COL4A4: variants seen among roughly 807,000 people sequenced by gnomAD.
COL4A4 encodes the protein collagen type IV alpha 4 chain, also known as collagen alpha-4(IV) chain.
A neutral mutation model predicts 192.9 loss-of-function variants in COL4A4; 105 were observed. The observed-to-expected ratio is 0.54, with a 90% CI of 0.46 to 0.64. The LOEUF is 0.64. COL4A4 is among the 30% of genes least tolerant of loss of function. The pLI is 0.00. For missense variants in COL4A4, 1,967 were observed against 2,169.3 expected (o/e 0.91, Z 1.85); for synonymous variants, 762 against 769.9 (o/e 0.99, Z 0.17).
chr2:226,987,569 G>A, the COL4A4 span, among the ~76,000 whole-genome samples: 4 of 152,208 alleles, frequency 2.6e-5, no homozygotes, highest in African/African-American at 7.2e-5. Context: ...ACCACCTGAC[G>A]CCTGTGTCTC....
In COL4A4 at chr2:227,052,415, A is replaced by G; in HGVS notation, c.2861-3T>C. On this transcript the variant is annotated splice_region_variant and splice_polypyrimidine_tract_variant and intron_variant, in intron 31 of 47. Coordinates refer to ENST00000396625, the MANE Select transcript of COL4A4 (RefSeq NM_000092.5). ...ATCTCCGGGAGGTCCTATGGCTCCTATGGATATTAATTATGCAAGAACAAA... is the reference window on the plus strand; with the variant it reads ...ATCTCCGGGAGGTCCTATGGCTCCTGTGGATATTAATTATGCAAGAACAAA... 6.6e-7 allele frequency: 1 copy of G among 1,506,514 alleles called. No homozygotes were observed. The highest frequency in any genetic ancestry group is 9.2e-7 in the Non-Finnish European group (1 of 1,082,124). 93.3% of individuals were successfully genotyped at this position (1,506,514 alleles called of 1,614,324 possible).
intron 4 of COL4A4, among the ~76,000 whole-genome samples, chr2:227,136,688 T>A (rs540896107): frequency 6.6e-6 from 1 of 152,340 alleles, no homozygotes; most frequent in African/African-American, 2.4e-5. Flanking sequence ...GAACCAGCCT[T>A]GCCTGTCAAC....
intron 37 of COL4A4, among the ~76,000 whole-genome samples, chr2:227,041,043 C>T (rs1360445852): frequency 6.6e-6 from 1 of 151,958 alleles, no homozygotes; most frequent in African/African-American, 2.4e-5. Context: ...AGAAATTCAA[C>T]CCAGAAAAAA....
intron 3 of COL4A4, 46 bp from the exon 4 acceptor site, chr2:227,140,284 A>G (rs1158879665): frequency 6.7e-7 from 1 of 1,489,318 alleles, no homozygotes; most frequent in East Asian, 2.3e-5. Flanking sequence ...CTCATCGTTT[A>G]ACTACGTGCA....
At chr2:227,065,192 C>T (rs1182743587) in intron 25 of COL4A4, among the ~76,000 whole-genome samples, 14 of 152,222 alleles carry the variant, frequency 9.2e-5, no homozygotes, top group African/African-American at 3.1e-4. Context: ...GCTTAAAAAA[C>T]GGCGCACCAG....
the COL4A4 span, among the ~76,000 whole-genome samples, chr2:226,992,559 T>G: frequency 1.3e-5 from 2 of 152,202 alleles, no homozygotes; most frequent in Non-Finnish European, 2.9e-5. Context: ...AGCCGAACCA[T>G]GCTAGTAGCC....
At chr2:227,150,983 A>C (rs567012874) in intron 1 of COL4A4, among the ~76,000 whole-genome samples, 1 of 152,238 alleles carries the variant, frequency 6.6e-6, no homozygotes, top group East Asian at 1.9e-4. Context: ...GAGTATTATA[A>C]ATGATGACCT....
chr2:227,099,761 A>G, intron 17 of COL4A4, 72 bp from the exon 18 acceptor site: 2 of 1,299,438 alleles, frequency 1.5e-6, no homozygotes, highest in Non-Finnish European at 2.2e-6. Context: ...TTAAACCAGT[A>G]TTAGAACGAT....
chr2:227,095,633 A>G (rs529275463), intron 19 of COL4A4, among the ~76,000 whole-genome samples: 1 of 152,302 alleles, frequency 6.6e-6, no homozygotes, highest in Admixed American at 6.5e-5. Flanking sequence ...GGTGGCTCAC[A>G]CCCGTAATCC....
chr2:227,135,776 GGGA>G (rs1255692858), intron 4 of COL4A4, among the ~76,000 whole-genome samples: 1 of 152,086 alleles, frequency 6.6e-6, no homozygotes, highest in Non-Finnish European at 1.5e-5. Context: ...CCAGGTAGCT[GGGA>G]TTACAGGCGC....
chr2:227,102,028 C>T lies in COL4A4; in HGVS notation c.931-119G>A, dbSNP rs1159592447. The T allele has an allele frequency of 7.3e-6, 5 of 682,350 alleles. No homozygotes were observed. In the African/African-American group the frequency reaches 9.2e-5, roughly 12 times the overall value. 42.3% of individuals were successfully genotyped at this position (682,350 alleles called of 1,614,324 possible). On this transcript the variant is annotated intron_variant, in intron 15 of 47. Transcript: ENST00000396625. ...TGGATATTTGGTCCTGTTTGCAAAGCTAGCTGAATAAAAGGAAATAAATAT... is the reference window on the plus strand; with the variant it reads ...TGGATATTTGGTCCTGTTTGCAAAGTTAGCTGAATAAAAGGAAATAAATAT...
Position 227,047,486 on chromosome 2 carries a change from G to C in COL4A4, c.3278C>G (p.Pro1093Arg). The C allele has an allele frequency of 9.9e-6, 16 of 1,613,536 alleles. No individual in the cohort carries two copies. The highest frequency in any genetic ancestry group is 1.4e-5 in the Non-Finnish European group (16 of 1,179,608). ...PPGPKGEPGS[P>R]GCPGHFGASG... ...ATATGCAGCTATACCTGGACATCCA[G>C]GGCTACCTGGCTCACCCTTTGGACC... The change falls in exon 35 of 48, where the codon CCT becomes CGT. Residue 1093 changes from proline to arginine, a missense_variant. Physicochemically the swap from Pro to Arg is moderately radical, Grantham distance 103. Transcript: ENST00000396625.
intron 4 of COL4A4, among the ~76,000 whole-genome samples, chr2:227,121,467 A>G (rs1279872076): frequency 6.7e-6 from 1 of 149,714 alleles, no homozygotes; most frequent in Admixed American, 6.7e-5. Context: ...CGGGAGGCTG[A>G]GGTGGAGAAT....
Position 227,060,126 on chromosome 2 carries a change from C to CAAAAAGA in COL4A4, c.2164+9_2164+10insTCTTTTT. 9.1e-6 allele frequency: 4 copies of CAAAAAGA among 438,590 alleles called. No homozygotes were observed. Among genetic ancestry groups the CAAAAAGA allele is most frequent in the Non-Finnish European group, 9.6e-6 (3 of 313,892 alleles). 27.2% of individuals were successfully genotyped at this position (438,590 alleles called of 1,614,324 possible). A position where few individuals can be genotyped will look rare whatever the true frequency, so the allele number is the denominator to read the frequency against. ...GAAAAAAAAAAAAAAAAAAAAAAAA[C>CAAAAAGA]CTCACTGACCAGGTGGACCTGGTAT... is the stretch of plus-strand genomic sequence containing the variant. On this transcript the variant is annotated intron_variant, in intron 27 of 47. Coordinates refer to ENST00000396625, the MANE Select transcript of COL4A4 (RefSeq NM_000092.5).
chr2:227,140,188 G>A lies in COL4A4; in HGVS notation c.165C>T (p.Cys55=), dbSNP rs768245333. Residue 55 remains cysteine (C), a synonymous_variant, in exon 4 of 48, where the codon TGC becomes TGT. Coordinates refer to ENST00000396625, the MANE Select transcript of COL4A4 (RefSeq NM_000092.5). ...GPCGGRDCSV[C]HCVPEKGSRG... is the part of the protein sequence containing the mutation. ...GAGACCCCTTTTCAGGAACACAGTG[G>A]CAAACAGAGCAATCTCTTCCTCCAC... is the stretch of plus-strand genomic sequence containing the variant. The A allele has an allele frequency of 1.9e-6, 3 of 1,613,916 alleles. No homozygotes were observed. Among genetic ancestry groups the A allele is most frequent in the African/African-American group, 2.7e-5 (2 of 74,898 alleles).
intron 43 of COL4A4, 29 bp downstream of exon 43, chr2:227,025,773 G>C (rs757750848): frequency 1.9e-6 from 3 of 1,605,976 alleles, no homozygotes; most frequent in Non-Finnish European, 1.7e-6. Context: ...AGAGTGAGGG[G>C]AAATTACCAA....
chr2:227,007,161 A>T lies in COL4A4; in HGVS notation c.*164T>A. 1.0e-6 allele frequency: 1 copy of T among 953,298 alleles called. No individual in the cohort carries two copies. Among genetic ancestry groups the T allele is most frequent in the Non-Finnish European group, 1.7e-6 (1 of 592,298 alleles). The allele number at this position is 953,298 out of a possible 1,614,324, so 59.1% of individuals were successfully genotyped here. A position where few individuals can be genotyped will look rare whatever the true frequency, so the allele number is the denominator to read the frequency against. On this transcript the variant is annotated 3_prime_UTR_variant, in exon 48 of 48. Coordinates refer to ENST00000396625, the MANE Select transcript of COL4A4 (RefSeq NM_000092.5). ...AAATCCATCTGTGCAGCATTTGCTT[A>T]ATGTGTAAGGAACCAGAGGACTCTG...
chr2:227,029,679 C>CT (rs937716533), intron 41 of COL4A4, among the ~76,000 whole-genome samples: 3 of 152,146 alleles, frequency 2.0e-5, no homozygotes, highest in Admixed American at 6.5e-5. Flanking sequence ...CATTAGTCAT[C>CT]TTTTTTCAAC....
downstream of COL4A4, chr2:226,999,238 G>A (rs1260067847): frequency 6.6e-6 from 1 of 152,128 alleles, no homozygotes; most frequent in Non-Finnish European, 1.5e-5. Flanking sequence ...TGTCACCAGT[G>A]GCGCACATAA....
Sources: gnomAD v4.1 joint callset for allele counts (sites outside exome capture counted in the v4.1 genomes callset) on GRCh38, gnomAD v4.1.1 for gene constraint, MANE v1.5 for transcripts, NCBI Gene and HGNC (gene_info 2026-07-23, HGNC 2026-07-21) for gene names.